Variants in CEMIP observed in about 807,000 individuals in gnomAD.
The protein encoded by CEMIP is cell migration inducing hyaluronidase 1.
In CEMIP, 105 loss-of-function variants were observed where a neutral mutation model predicts 156.9. The ratio of observed to expected loss-of-function variants is 0.67; its 90% CI spans 0.57 to 0.79. The LOEUF is 0.79. Ranked by LOEUF, CEMIP falls within the 30% of genes least tolerant of loss-of-function variation. The pLI is 0.00. For missense variants in CEMIP, 1,457 were observed against 1,769.4 expected, an observed-to-expected ratio of 0.82 and a Z score of 3.17; for synonymous variants, 676 against 668.4, an observed-to-expected ratio of 1.01 and a Z score of -0.17.
intron 1 of CEMIP, among the ~76,000 whole-genome samples, chr15:80,834,652 C>T (rs898287448): frequency 6.8e-4 from 103 of 152,224 alleles, no homozygotes; most frequent in African/African-American, 2.4e-3. Context: ...AACAATACTA[C>T]GCTGTCTTAA....
At chr15:80,937,552 G>A (rs1901176665) in intron 24 of CEMIP, among the ~76,000 whole-genome samples, 1 of 152,312 alleles carries the variant, frequency 6.6e-6, no homozygotes, top group East Asian at 1.9e-4. Context: ...CCCAGGGTTG[G>A]CCCTGGAGAC....
chr15:80,902,603 G>A (rs1354721688), intron 12 of CEMIP, among the ~76,000 whole-genome samples: 3 of 152,268 alleles, frequency 2.0e-5, no homozygotes, highest in African/African-American at 4.8e-5. Flanking sequence ...CTCTGCAGCC[G>A]GGAAGACGGC....
chr15:80,848,653 G>C (rs1897623114), intron 1 of CEMIP, among the ~76,000 whole-genome samples: 1 of 152,120 alleles, frequency 6.6e-6, no homozygotes, highest in Non-Finnish European at 1.5e-5. Context: ...TGATGTCCTG[G>C]GGCACTGCCT....
At chr15:80,818,863 A>G (rs997201266) in intron 1 of CEMIP, among the ~76,000 whole-genome samples, 2 of 152,180 alleles carry the variant, frequency 1.3e-5, no homozygotes, top group Admixed American at 1.3e-4. Context: ...ACCTTAATCA[A>G]TCGCATCGCT....
chr15:80,894,464 C>A (rs949791154), intron 10 of CEMIP, among the ~76,000 whole-genome samples: 2 of 152,136 alleles, frequency 1.3e-5, no homozygotes, highest in African/African-American at 4.8e-5. Flanking sequence ...AACTTTCTTG[C>A]CCATTAGAAT....
chr15:80,834,833 T>C (rs886254901), intron 1 of CEMIP, among the ~76,000 whole-genome samples: 1 of 152,172 alleles, frequency 6.6e-6, no homozygotes, highest in African/African-American at 2.4e-5. Context: ...GGATTCTCCC[T>C]ATCAGTTTGG....
At chr15:80,842,600 C>A (rs537075394) in intron 1 of CEMIP, among the ~76,000 whole-genome samples, 5 of 152,078 alleles carry the variant, frequency 3.3e-5, no homozygotes, top group Non-Finnish European at 5.9e-5. Flanking sequence ...GGCGTGGTGG[C>A]AGGCATCTGT....
chr15:80,877,328 C>G (rs1596151386), intron 3 of CEMIP, among the ~76,000 whole-genome samples: 1 of 152,208 alleles, frequency 6.6e-6, no homozygotes, highest in African/African-American at 2.4e-5. Flanking sequence ...CTCCTAGGCT[C>G]CCTTCTGCAG....
intron 1 of CEMIP, among the ~76,000 whole-genome samples, chr15:80,864,282 T>C (rs1438016177): frequency 6.6e-6 from 1 of 152,232 alleles, no homozygotes; most frequent in African/African-American, 2.4e-5. Context: ...GTCATAAACA[T>C]ATTGCCTGAC....
At chr15:80,925,459 C>T (rs1460019213) in intron 18 of CEMIP, among the ~76,000 whole-genome samples, 165 bp from the exon 19 acceptor site, 1 of 152,204 alleles carries the variant, frequency 6.6e-6, no homozygotes, top group African/African-American at 2.4e-5. Flanking sequence ...CTGTGATGAA[C>T]TCAGAAAGTT....
chr15:80,780,343 CAG>C (rs1362944072), intron 1 of CEMIP, among the ~76,000 whole-genome samples: 2 of 152,362 alleles, frequency 1.3e-5, no homozygotes, highest in Non-Finnish European at 1.5e-5. Flanking sequence ...TGAGGAAAGG[CAG>C]AGAGTCCTGG....
intron 1 of CEMIP, among the ~76,000 whole-genome samples, chr15:80,856,570 G>A: frequency 6.6e-6 from 1 of 152,174 alleles, no homozygotes; most frequent in Non-Finnish European, 1.5e-5. Context: ...GAATCCTGGG[G>A]TCCCCTAGTG....
At chr15:80,840,047 C>CT (rs1240837959) in intron 1 of CEMIP, among the ~76,000 whole-genome samples, 1 of 152,164 alleles carries the variant, frequency 6.6e-6, no homozygotes, top group Non-Finnish European at 1.5e-5. Context: ...TCTAAGGGGC[C>CT]CCCCAGGCCA....
At chr15:80,804,766 C>G (rs765134565) in intron 1 of CEMIP, among the ~76,000 whole-genome samples, 1 of 152,224 alleles carries the variant, frequency 6.6e-6, no homozygotes, top group South Asian at 2.1e-4. Context: ...ATGATAAAAC[C>G]GAGGTCTTTC....
chr15:80,938,738 AAT>A (rs1901231746), intron 25 of CEMIP, among the ~76,000 whole-genome samples: 1 of 152,182 alleles, frequency 6.6e-6, no homozygotes, highest in African/African-American at 2.4e-5. Context: ...GGTTCTATTC[AAT>A]AGAGATATAA....
intron 29 of CEMIP, chr15:80,947,419 C>T (rs1438022499): frequency 3.4e-6 from 1 of 295,910 alleles, no homozygotes; most frequent in African/African-American, 2.2e-5. Context: ...TTCAGACTGG[C>T]CAGGGGTCCT....
chr15:80,900,662 CTGTG>C lies in CEMIP; in HGVS notation c.1411+4614_1411+4617del, dbSNP rs1188670554. ...TGTGTGTGTGTGTCTGTGTGTGTGTCTGTGTGTGTGTGTGTATTTTGTGTGTGTA... is the reference window on the plus strand; with the variant it reads ...TGTGTGTGTGTGTCTGTGTGTGTGTCTGTGTGTGTGTATTTTGTGTGTGTA... On this transcript the variant is annotated intron_variant, in intron 12 of 29. Coordinates refer to ENST00000394685, the MANE Select transcript of CEMIP (RefSeq NM_001293298.2). Among the ~76,000 whole-genome samples, 7 of 90,746 alleles carry C rather than the reference CTGTG, an allele frequency of 7.7e-5. No homozygotes were observed. In the South Asian group the frequency reaches 1.5e-3, roughly 19 times the overall value. The allele number at this position is 90,746 out of a possible 152,430, so 59.5% of individuals were successfully genotyped here.
At chr15:80,849,433 C>A (rs565871957) in intron 1 of CEMIP, among the ~76,000 whole-genome samples, 1 of 152,178 alleles carries the variant, frequency 6.6e-6, no homozygotes, top group African/African-American at 2.4e-5. Context: ...TCACCATTGC[C>A]TTGGCGAGGA....
chr15:80,908,939 G>A (rs984734377), intron 13 of CEMIP, among the ~76,000 whole-genome samples, 158 bp from the exon 14 acceptor site: 5 of 152,162 alleles, frequency 3.3e-5, no homozygotes, highest in African/African-American at 1.2e-4. Flanking sequence ...GAAGGGCCAG[G>A]CATTCTAACC....
Sources: gnomAD v4.1 joint callset for allele counts (sites outside exome capture counted in the v4.1 genomes callset) on GRCh38, gnomAD v4.1.1 for gene constraint, MANE v1.5 for transcripts, NCBI Gene and HGNC (gene_info 2026-07-23, HGNC 2026-07-21) for gene names.